The following CPSF7 variants were observed in gnomAD, a reference collection of about 807,000 sequenced individuals.
CPSF7 encodes cleavage and polyadenylation specific factor 7, also known as cleavage and polyadenylation specificity factor subunit 7.
CPSF7 carries 1 observed loss-of-function variant against 44.3 expected under a neutral mutation model. The observed-to-expected ratio is 0.02, with a 90% CI of 0.01 to 0.11. The LOEUF (loss-of-function observed/expected upper bound fraction) is 0.11, where lower values mean the gene tolerates loss of function less well. CPSF7 is among the 10% of genes least tolerant of loss of function. The pLI is 1.00. For missense variants in CPSF7, 443 were observed against 607.2 expected, an observed-to-expected ratio of 0.73 and a Z score of 2.84; for synonymous variants, 202 against 222.0, an observed-to-expected ratio of 0.91 and a Z score of 0.80.
At chr11:61,429,765 G>A (rs1481755817) in intron 1 of CPSF7, 149 bp downstream of exon 1, 3 of 1,546,308 alleles carry the variant, frequency 1.9e-6, no homozygotes, top group Non-Finnish European at 2.6e-6. Flanking sequence ...ACCCGGCCCG[G>A]CGCGCTCTGC....
At chr11:61,406,027 T>G (rs915066881) in intron 9 of CPSF7, 1 of 152,252 alleles carries the variant, frequency 6.6e-6, no homozygotes, top group African/African-American at 2.4e-5. Context: ...AGAATGACTA[T>G]ATTTCAAGTA....
rs1281911159 is a variant in CPSF7 at position 61,411,087 on chromosome 11, C to T, written c.1245G>A (p.Arg415=). 1 of 1,610,610 alleles carries T rather than the reference C, an allele frequency of 6.2e-7. No homozygotes were observed. Residue 415 remains arginine, a synonymous_variant, in exon 9 of 10, where the codon CGG becomes CGA. Transcript: ENST00000439958. The part of the protein sequence containing the change: ...GSSSRKRHRS[R]ERSPSRSRES... ...CCCGGGACCGGCTAGGTGACCTTTC[C>T]CGGGAGCGATGTCTTTTCCTATTAG...
chr11:61,417,358 T>C (rs1035083504), intron 5 of CPSF7, among the ~76,000 whole-genome samples: 1 of 152,200 alleles, frequency 6.6e-6, no homozygotes, highest in Admixed American at 6.5e-5. Flanking sequence ...AGAACATGTT[T>C]TAAACAGCTG....
chr11:61,413,207 G>A (rs1409905795), intron 7 of CPSF7, among the ~76,000 whole-genome samples: 1 of 152,144 alleles, frequency 6.6e-6, no homozygotes, highest in Non-Finnish European at 1.5e-5. Flanking sequence ...TTATAGGTAT[G>A]AGCCACTGTA....
At chr11:61,423,172 T>G (rs1189140542) in intron 2 of CPSF7, among the ~76,000 whole-genome samples, 5 of 109,632 alleles carry the variant, frequency 4.6e-5, no homozygotes, top group Non-Finnish European at 8.1e-5. Context: ...GAGAAATCTT[T>G]TTTTTTTTTT....
At chr11:61,423,098 C>T (rs1861034868) in intron 2 of CPSF7, among the ~76,000 whole-genome samples, 1 of 119,884 alleles carries the variant, frequency 8.3e-6, no homozygotes, top group Non-Finnish European at 1.7e-5. Flanking sequence ...AGAGTGAGAC[C>T]CCATATCAAA....
intron 5 of CPSF7, among the ~76,000 whole-genome samples, chr11:61,417,828 C>T (rs936000168): frequency 8.5e-5 from 13 of 152,170 alleles, no homozygotes; most frequent in Non-Finnish European, 1.8e-4. Flanking sequence ...TCCCAAAAGA[C>T]GCAACATTTC....
rs1211237694 is a variant in CPSF7, at chr11:61,403,485, G to C, written c.*1225C>G. The C allele has an allele frequency of 6.6e-6, 1 of 152,146 alleles. No individual in the cohort carries two copies. The allele number at this position is 152,146 out of a possible 1,614,324, so 9.4% of individuals were successfully genotyped here. On this transcript the variant is annotated 3_prime_UTR_variant, in exon 10 of 10. Coordinates refer to ENST00000439958, the MANE Select transcript of CPSF7 (RefSeq NM_001142565.3). Reference sequence around the variant, plus strand: ...CCAGAATGCTGGTCCTTAGAACTCTGAGCTGAGTTCATTCAAGTCGGGCTC... The same window carrying C: ...CCAGAATGCTGGTCCTTAGAACTCTCAGCTGAGTTCATTCAAGTCGGGCTC...
At chr11:61,420,954 C>T in intron 3 of CPSF7, 2 of 695,582 alleles carry the variant, frequency 2.9e-6, no homozygotes, top group South Asian at 1.5e-5. Flanking sequence ...ACCACCCCCA[C>T]CACCAGCCCC....
Position 61,421,493 on chromosome 11 carries a change from T to G in CPSF7, c.170A>C (p.Gln57Pro). Residue 57 changes from glutamine (Q) to proline (P), a missense_variant, in exon 3 of 10, where the codon CAG becomes CCG. By Grantham distance (76) the Gln-to-Pro change is moderately conservative. Coordinates refer to ENST00000439958, the MANE Select transcript of CPSF7 (RefSeq NM_001142565.3). ...GTTGTTGGGCTTGGGAGATGGCTCC[T>G]GGCGAACAGGAGGAGGTGGTTCAGT... Reference protein sequence around the residue: ...SSTEPPPPVRQEPSPKPNNKT... With the variant: ...SSTEPPPPVRPEPSPKPNNKT... 6.2e-7 allele frequency: 1 copy of G among 1,614,166 alleles called. No homozygotes were observed. Among genetic ancestry groups the G allele is most frequent in the African/African-American group, 1.3e-5 (1 of 75,042 alleles).
chr11:61,404,332 C>G lies in CPSF7; in HGVS notation c.*378G>C, dbSNP rs1209980781. Reference sequence around the variant, plus strand: ...AGATCCTGCATGGAGGATCTATTTTCTTTGGGAAGGAAGTCTTCCCATCAA... The same window carrying G: ...AGATCCTGCATGGAGGATCTATTTTGTTTGGGAAGGAAGTCTTCCCATCAA... On this transcript the variant is annotated 3_prime_UTR_variant, in exon 10 of 10. Coordinates refer to ENST00000439958, the MANE Select transcript of CPSF7 (RefSeq NM_001142565.3). The G allele has an allele frequency of 1.3e-5, 2 of 152,698 alleles. No individual in the cohort carries two copies. The highest frequency in any genetic ancestry group is 3.9e-4 in the East Asian group (2 of 5,176). The allele number at this position is 152,698 out of a possible 1,614,324, so 9.5% of individuals were successfully genotyped here. A position where few individuals can be genotyped will look rare whatever the true frequency, so the allele number is the denominator to read the frequency against.
intron 9 of CPSF7, chr11:61,406,234 G>C (rs1359191596): frequency 6.6e-6 from 1 of 152,154 alleles, no homozygotes; most frequent in Non-Finnish European, 1.5e-5. Context: ...GGGCCAATTA[G>C]CCTTCAGGCC....
At chr11:61,420,839 T>C (rs1860796432) in intron 3 of CPSF7, 1 of 532,840 alleles carries the variant, frequency 1.9e-6, no homozygotes, top group East Asian at 3.5e-5. Flanking sequence ...TGGTCATCAG[T>C]TCAAACATTG....
At chr11:61,426,714 A>G (rs2135406232) in intron 2 of CPSF7, 1 of 152,304 alleles carries the variant, frequency 6.6e-6, no homozygotes, top group Non-Finnish European at 1.5e-5. Context: ...AAGAAATTAG[A>G]AGGGGAAAAG....
intron 3 of CPSF7, chr11:61,421,024 T>G (rs1429508490): frequency 8.3e-7 from 1 of 1,202,014 alleles, no homozygotes; most frequent in South Asian, 1.3e-5. Flanking sequence ...TATACTAGAG[T>G]TATCAAGGTC....
At chr11:61,407,255 GC>G (rs1464441067) in intron 9 of CPSF7, among the ~76,000 whole-genome samples, 2 of 152,136 alleles carry the variant, frequency 1.3e-5, no homozygotes, top group Non-Finnish European at 2.9e-5. Context: ...ACTGAATGCA[GC>G]CCCAAAGACG....
intron 2 of CPSF7, chr11:61,427,392 C>G (rs569210441): frequency 6.6e-6 from 1 of 152,092 alleles, no homozygotes; most frequent in Non-Finnish European, 1.5e-5. Context: ...CACGGTGGCT[C>G]ACGCCTGTAA....
At chr11:61,419,547 TAG>T (rs1397056635) in intron 5 of CPSF7, among the ~76,000 whole-genome samples, 9 of 152,348 alleles carry the variant, frequency 5.9e-5, no homozygotes, top group African/African-American at 1.7e-4. Context: ...TGATAATTTA[TAG>T]AGAGGCATGT....
chr11:61,412,533 C>T (rs1174172880), intron 7 of CPSF7, among the ~76,000 whole-genome samples: 1 of 152,224 alleles, frequency 6.6e-6, no homozygotes, highest in African/African-American at 2.4e-5. Context: ...CTGTGATCCG[C>T]CCGCCTTGGC....
Sources: gnomAD v4.1 joint callset for allele counts (sites outside exome capture counted in the v4.1 genomes callset) on GRCh38, gnomAD v4.1.1 for gene constraint, MANE v1.5 for transcripts, NCBI Gene and HGNC (gene_info 2026-07-23, HGNC 2026-07-21) for gene names.